The following SIRPB1 variants were observed in gnomAD, a reference collection of about 807,000 sequenced individuals.
The protein encoded by SIRPB1 is signal-regulatory protein beta-1.
A neutral mutation model predicts 34.1 loss-of-function variants in SIRPB1; 28 were observed. The ratio of observed to expected loss-of-function variants is 0.82; its 90% CI spans 0.61 to 1.12. The LOEUF (loss-of-function observed/expected upper bound fraction) is 1.12, where lower values mean the gene tolerates loss of function less well. Ranked by LOEUF, SIRPB1 falls within the 50% of genes most tolerant of loss-of-function variation. The probability of loss-of-function intolerance (pLI) is 0.00; values close to 1 mark genes in which losing one functional copy is unlikely to be tolerated. For missense variants in SIRPB1, 499 were observed against 507.0 expected, an observed-to-expected ratio of 0.98 and a Z score of 0.15; for synonymous variants, 211 against 203.8, an observed-to-expected ratio of 1.04 and a Z score of -0.30.
intron 1 of SIRPB1, among the ~76,000 whole-genome samples, chr20:1,615,164 T>A (rs771187694): frequency 3.3e-5 from 5 of 152,234 alleles, no homozygotes; most frequent in Non-Finnish European, 7.3e-5. Context: ...CTCCTGTTAG[T>A]GTCTTTAAAT....
Position 1,571,128 on chromosome 20 carries a change from G to A in SIRPB1, c.761C>T (p.Thr254Ile). Reference sequence around the variant, plus strand: ...CATGGGCTGTTGAGTAACCTCCAAGGTGGGTGGAACTGAAACAGCACAGGG... The same window carrying A: ...CATGGGCTGTTGAGTAACCTCCAAGATGGGTGGAACTGAAACAGCACAGGG... ...NLSEAIRVPP[T>I]LEVTQQPMRA... is the part of the protein sequence containing the mutation. Residue 254 changes from threonine to isoleucine, a missense_variant, in exon 4 of 6, where the codon ACC becomes ATC. Coordinates refer to ENST00000381605, the MANE Select transcript of SIRPB1 (RefSeq NM_006065.5). 1 of 1,613,462 alleles carries A rather than the reference G, an allele frequency of 6.2e-7. No individual in the cohort carries two copies. The highest frequency in any genetic ancestry group is 8.5e-7 in the Non-Finnish European group (1 of 1,179,566).
rs1221437360 is a variant in SIRPB1, at chr20:1,590,588, A to T, written c.77-11894T>A. On this transcript the variant is annotated intron_variant, in intron 1 of 5. Coordinates refer to ENST00000381605, the MANE Select transcript of SIRPB1 (RefSeq NM_006065.5). ...ACAGAGAGTAATGGATTTGCTCAAG[A>T]TCACTAAGCTTTTAGAACTAGAGCA... Among the ~76,000 whole-genome samples, 5 of 49,634 alleles carry T rather than the reference A, an allele frequency of 1.0e-4. 2 individuals are homozygous for T. Among genetic ancestry groups the T allele is most frequent in the Non-Finnish European group, 2.0e-4 (5 of 25,610 alleles). The allele number at this position is 49,634 out of a possible 152,430, so 32.6% of individuals were successfully genotyped here.
rs1483718054 is a variant in SIRPB1 at position 1,618,973 on chromosome 20, A to G, written c.76+896T>C. ...TGGGAGACAGGGTCTTTAAGAAGTA[A>G]TTTAGTTAAATGAGGTCATTGGGGT... On this transcript the variant is annotated intron_variant, in intron 1 of 5. Coordinates refer to ENST00000381605, the MANE Select transcript of SIRPB1 (RefSeq NM_006065.5). Among the ~76,000 whole-genome samples the G allele has an allele frequency of 3.3e-5, 5 of 152,316 alleles. No homozygotes were observed. The East Asian group carries it at 9.6e-4, about 29-fold the overall frequency.
intron 1 of SIRPB1, among the ~76,000 whole-genome samples, chr20:1,581,586 G>T (rs1352905080): frequency 4.4e-5 from 2 of 45,826 alleles, no homozygotes; most frequent in Non-Finnish European, 8.2e-5. Context: ...CCCTACTTCT[G>T]TCTCTAGGAA....
chr20:1,572,959 T>C (rs2122200770), intron 2 of SIRPB1, among the ~76,000 whole-genome samples: 1 of 148,232 alleles, frequency 6.7e-6, no homozygotes, highest in Admixed American at 6.7e-5. Flanking sequence ...CAGTTGAGGA[T>C]TTTCAACCAG....
intron 1 of SIRPB1, among the ~76,000 whole-genome samples, chr20:1,579,718 A>T (rs560640439): frequency 1.3e-5 from 2 of 148,826 alleles, no homozygotes; most frequent in South Asian, 4.2e-4. Flanking sequence ...GTGTGTTAAA[A>T]GAAATGTAAC....
At chr20:1,577,209 C>T (rs1433268518) in intron 2 of SIRPB1, among the ~76,000 whole-genome samples, 1 of 148,004 alleles carries the variant, frequency 6.8e-6, no homozygotes, top group East Asian at 1.9e-4. Context: ...TGACACCTGG[C>T]TCTGTTTGGG....
intron 3 of SIRPB1, among the ~76,000 whole-genome samples, 195 bp from the exon 4 acceptor site, chr20:1,571,332 T>C (rs959851857): frequency 6.6e-6 from 1 of 152,206 alleles, no homozygotes; most frequent in African/African-American, 2.4e-5. Context: ...GCACAGTAGG[T>C]GCCCAAGGAC....
Position 1,562,324 on chromosome 20 carries a change from C to T in SIRPB1, c.*3176G>A, listed in dbSNP as rs1292229184. Among the ~76,000 whole-genome samples the T allele has an allele frequency of 1.3e-5, 2 of 152,210 alleles. No homozygotes were observed. The highest frequency in any genetic ancestry group is 1.9e-4 in the East Asian group (1 of 5,180). On this transcript the variant is annotated 3_prime_UTR_variant, in exon 6 of 6. Coordinates refer to ENST00000381605, the MANE Select transcript of SIRPB1 (RefSeq NM_006065.5). ...TGAAGAGAAGTTTTCTTTTGAAATC[C>T]AACACCTAGTAGAAACCAATGACCT...
chr20:1,566,019 G>A (rs2091125148), intron 5 of SIRPB1, 134 bp downstream of exon 5: 3 of 607,190 alleles, frequency 4.9e-6, no homozygotes, highest in East Asian at 2.9e-5. Flanking sequence ...AGACTCCTGA[G>A]TATCCTGAGG....
intron 4 of SIRPB1, among the ~76,000 whole-genome samples, chr20:1,566,878 C>T (rs969026043): frequency 6.6e-6 from 1 of 152,068 alleles, no homozygotes; most frequent in African/African-American, 2.4e-5. Flanking sequence ...CCCAATTAAA[C>T]CTGCTGGCTG....
rs2091107945 is a variant in SIRPB1, at chr20:1,564,956, A to G, written c.*544T>C. On this transcript the variant is annotated 3_prime_UTR_variant, in exon 6 of 6. Coordinates refer to ENST00000381605, the MANE Select transcript of SIRPB1 (RefSeq NM_006065.5). Reference sequence around the variant, plus strand: ...AGGACTGGGAAGGCTGCAGGATACTAGAAGAAATACTGTCTCCATCACAGA... The same window carrying G: ...AGGACTGGGAAGGCTGCAGGATACTGGAAGAAATACTGTCTCCATCACAGA... 1 of 398,624 alleles carries G rather than the reference A, an allele frequency of 2.5e-6. No homozygotes were observed. The highest frequency in any genetic ancestry group is 4.4e-6 in the Non-Finnish European group (1 of 226,070). 24.7% of individuals were successfully genotyped at this position (398,624 alleles called of 1,614,324 possible). A position where few individuals can be genotyped will look rare whatever the true frequency, so the allele number is the denominator to read the frequency against.
At chr20:1,589,723 A>G (rs2122255227) in intron 1 of SIRPB1, among the ~76,000 whole-genome samples, 1 of 48,430 alleles carries the variant, frequency 2.1e-5, no homozygotes, top group Admixed American at 1.4e-4. Flanking sequence ...CTACATGGTG[A>G]ATTGCCCACC....
At chr20:1,582,218 C>T (rs1398910368) in intron 1 of SIRPB1, among the ~76,000 whole-genome samples, 1 of 48,966 alleles carries the variant, frequency 2.0e-5, no homozygotes, top group Non-Finnish European at 3.9e-5. Context: ...TATATTTCCT[C>T]AGGGCCTTGA....
At chr20:1,609,140 T>C (rs60551649) in intron 1 of SIRPB1, among the ~76,000 whole-genome samples, 25,268 of 58,146 alleles carry the variant, frequency 0.43, 10,920 homozygotes, top group Middle Eastern at 0.67. Flanking sequence ...GAGGAGTGAG[T>C]ACTTCACTAG....
In SIRPB1 at chr20:1,565,134, T is replaced by G. The variant is rs2091110551; in HGVS notation, c.*366A>C. Reference sequence around the variant, plus strand: ...CTCAACAAGGCTGGGGGAGTTGGGGTAGGCAGGAATCCAGAAGACAGGATA... The same window carrying G: ...CTCAACAAGGCTGGGGGAGTTGGGGGAGGCAGGAATCCAGAAGACAGGATA... On this transcript the variant is annotated 3_prime_UTR_variant, in exon 6 of 6. Coordinates refer to ENST00000381605, the MANE Select transcript of SIRPB1 (RefSeq NM_006065.5). 2.5e-6 allele frequency: 1 copy of G among 397,950 alleles called. No homozygotes were observed. The highest frequency in any genetic ancestry group is 2.1e-5 in the African/African-American group (1 of 48,434). 24.7% of individuals were successfully genotyped at this position (397,950 alleles called of 1,614,324 possible).
chr20:1,574,652 G>T (rs1289062248), intron 2 of SIRPB1, among the ~76,000 whole-genome samples: 1 of 145,448 alleles, frequency 6.9e-6, no homozygotes. Context: ...CCTGTCTGAG[G>T]TCACACAGCT....
At position 1,563,803 on chromosome 20, in the gene SIRPB1, C is replaced by T. The variant is rs1179096089; in HGVS notation, c.*1697G>A. 1.3e-5 allele frequency: 2 copies of T among 152,238 alleles called. No individual in the cohort carries two copies. Among genetic ancestry groups the T allele is most frequent in the African/African-American group, 2.4e-5 (1 of 41,392 alleles). 9.4% of individuals were successfully genotyped at this position (152,238 alleles called of 1,614,324 possible). On this transcript the variant is annotated 3_prime_UTR_variant, in exon 6 of 6. Coordinates refer to ENST00000381605, the MANE Select transcript of SIRPB1 (RefSeq NM_006065.5). Reference sequence around the variant, plus strand: ...AAAAACCAGATCTCATGAGAACTCACTGAGATCTTATGAGAACTCACTATC... The same window carrying T: ...AAAAACCAGATCTCATGAGAACTCATTGAGATCTTATGAGAACTCACTATC...
At chr20:1,616,995 A>G (rs2091639336) in intron 1 of SIRPB1, among the ~76,000 whole-genome samples, 1 of 152,208 alleles carries the variant, frequency 6.6e-6, no homozygotes, top group African/African-American at 2.4e-5. Flanking sequence ...ACAGTGAGCT[A>G]TCATCTCACA....
Sources: allele counts gnomAD v4.1 joint callset (sites outside exome capture counted in the v4.1 genomes callset), GRCh38; gene constraint gnomAD v4.1.1; transcripts MANE v1.5; gene names NCBI Gene and HGNC (gene_info 2026-07-23, HGNC 2026-07-21).